The following ZNF718 variants were observed in gnomAD, a reference collection of about 807,000 sequenced individuals.
ZNF718 encodes zinc finger protein 718.
A neutral mutation model predicts 2.6 loss-of-function variants in ZNF718; 3 were observed. That is an observed-to-expected ratio of 1.16 (90% CI 0.53 to 3.01). ZNF718 has a LOEUF of 3.01. Ranked by LOEUF, ZNF718 falls within the 30% of genes most tolerant of loss-of-function variation. ZNF718 has a pLI of 0.03. For synonymous variants in ZNF718, 135 were observed against 77.9 expected (o/e 1.73, Z -3.86); for missense variants, 468 against 230.0 (o/e 2.03, Z -6.69).
intron 3 of ZNF718, among the ~76,000 whole-genome samples, chr4:175,311 T>C (rs927197790): frequency 2.0e-5 from 3 of 152,206 alleles, no homozygotes; most frequent in Admixed American, 2.0e-4. Flanking sequence ...TGTCATACTT[T>C]CTACTCCAAT....
intron 3 of ZNF718, among the ~76,000 whole-genome samples, chr4:141,160 A>G (rs564476479): frequency 6.8e-6 from 1 of 146,210 alleles, no homozygotes; most frequent in African/African-American, 2.5e-5. Context: ...CAAATGTACC[A>G]GAAAGGGTTA....
At chr4:168,543 C>G (rs782715607), downstream of ZNF718, among the ~76,000 whole-genome samples, 1 of 152,074 alleles carries the variant, frequency 6.6e-6, no homozygotes, top group South Asian at 2.1e-4. Context: ...TGTTATTGGT[C>G]TATTCAGATA....
chr4:190,412 A>G (rs1717667940), intron 3 of ZNF718, among the ~76,000 whole-genome samples: 1 of 149,914 alleles, frequency 6.7e-6, no homozygotes, highest in Non-Finnish European at 1.5e-5. Context: ...CCTGGGTGAG[A>G]GAGCAAAACT....
chr4:171,686 A>G (rs192507712), intron 3 of ZNF718, among the ~76,000 whole-genome samples: 235 of 152,306 alleles, frequency 1.5e-3, no homozygotes, highest in Non-Finnish European at 2.3e-3. Context: ...TGCTAAGACC[A>G]TTGGAAAAGC....
At position 161,395 on chromosome 4, in the gene ZNF718, C is replaced by T; in HGVS notation, c.710C>T (p.Thr237Ile). The change falls in exon 4 of 4, where the codon ACT (threonine) becomes ATT (isoleucine). Residue 237 changes from threonine to isoleucine, a missense_variant. Transcript: ENST00000510175. ...TGTGAAGAATGTGGTAAAGGCTTTA[C>T]TCGGTCCTCACACCTTACTAAACAT... ...YKCEECGKGF[T>I]RSSHLTKHKR... The T allele has an allele frequency of 1.3e-6, 1 of 779,570 alleles. No homozygotes were observed. The allele number at this position is 779,570 out of a possible 1,614,324, so 48.3% of individuals were successfully genotyped here. A position where few individuals can be genotyped will look rare whatever the true frequency, so the allele number is the denominator to read the frequency against.
intron 3 of ZNF718, among the ~76,000 whole-genome samples, chr4:191,126 CA>C (rs1717684960): frequency 6.9e-6 from 1 of 145,762 alleles, no homozygotes; most frequent in Non-Finnish European, 1.5e-5. Flanking sequence ...TTTCTAAAAT[CA>C]AAAACCAGAC....
At chr4:190,197 G>C (rs891612529) in intron 3 of ZNF718, among the ~76,000 whole-genome samples, 2 of 152,096 alleles carry the variant, frequency 1.3e-5, no homozygotes, top group Non-Finnish European at 2.9e-5. Context: ...TTGGGAGGCC[G>C]AGGCAGGCAG....
chr4:172,757 G>A (rs1464239526), intron 3 of ZNF718, among the ~76,000 whole-genome samples: 2 of 152,074 alleles, frequency 1.3e-5, no homozygotes, highest in African/African-American at 4.8e-5. Flanking sequence ...GTGTGTAAAT[G>A]TATAAAACAT....
intron 3 of ZNF718, among the ~76,000 whole-genome samples, chr4:154,138 C>A (rs1716458810): frequency 2.6e-5 from 4 of 152,164 alleles, no homozygotes; most frequent in Admixed American, 2.0e-4. Flanking sequence ...TTGCCTCCTG[C>A]CATATATGAC....
chr4:185,505 A>G (rs1198669255), intron 3 of ZNF718, among the ~76,000 whole-genome samples: 2 of 152,116 alleles, frequency 1.3e-5, no homozygotes, highest in Non-Finnish European at 2.9e-5. Flanking sequence ...TTCTGTAGAT[A>G]ATCTATCAGT....
chr4:183,830 T>C (rs1007846416), intron 3 of ZNF718, among the ~76,000 whole-genome samples: 12 of 152,160 alleles, frequency 7.9e-5, no homozygotes, highest in Non-Finnish European at 1.5e-4. Flanking sequence ...TACATAGGAA[T>C]GCTAGAGATT....
At chr4:183,255 A>G (rs1346966151) in intron 3 of ZNF718, among the ~76,000 whole-genome samples, 1 of 152,064 alleles carries the variant, frequency 6.6e-6, no homozygotes, top group Non-Finnish European at 1.5e-5. Context: ...ATTAAACAGG[A>G]CATTCTTTTC....
intron 3 of ZNF718, among the ~76,000 whole-genome samples, chr4:143,030 C>T (rs1715881341): frequency 6.6e-6 from 1 of 152,148 alleles, no homozygotes; most frequent in Non-Finnish European, 1.5e-5. Context: ...CTCTCTTCAA[C>T]TAGAATAACA....
At chr4:125,156 A>G (rs1241945449) in intron 1 of ZNF718, 1 of 155,432 alleles carries the variant, frequency 6.4e-6, no homozygotes, top group African/African-American at 2.4e-5. Flanking sequence ...AGCGAAGCAA[A>G]TCACCTGCCT....
At chr4:143,623 C>CA (rs1386406757) in intron 3 of ZNF718, among the ~76,000 whole-genome samples, 1 of 152,152 alleles carries the variant, frequency 6.6e-6, no homozygotes, top group Non-Finnish European at 1.5e-5. Flanking sequence ...TAGAACAAAT[C>CA]AGGTTTTTTT....
chr4:175,262 T>C (rs1199397120), intron 3 of ZNF718, among the ~76,000 whole-genome samples: 2 of 152,206 alleles, frequency 1.3e-5, no homozygotes, highest in African/African-American at 4.8e-5. Flanking sequence ...ATGGGTCTTT[T>C]GGATCGCAAC....
intron 3 of ZNF718, among the ~76,000 whole-genome samples, chr4:195,327 A>G (rs1717769990): frequency 6.6e-6 from 1 of 152,196 alleles, no homozygotes; most frequent in South Asian, 2.1e-4. Flanking sequence ...CTCTGCTTCC[A>G]TAAGAGACTC....
intron 3 of ZNF718, among the ~76,000 whole-genome samples, chr4:193,478 A>T (rs1654382628): frequency 6.6e-6 from 1 of 152,154 alleles, no homozygotes; most frequent in Admixed American, 6.5e-5. Context: ...ATTCTAGTGT[A>T]TAATGGCCCC....
chr4:159,576 T>G (rs928958018), intron 3 of ZNF718, among the ~76,000 whole-genome samples: 4 of 152,152 alleles, frequency 2.6e-5, no homozygotes, highest in African/African-American at 9.7e-5. Flanking sequence ...ATCTTCAGTT[T>G]TTACATCCTT....
Sources: gnomAD v4.1 joint callset for allele counts (sites outside exome capture counted in the v4.1 genomes callset) on GRCh38, gnomAD v4.1.1 for gene constraint, MANE v1.5 for transcripts, NCBI Gene and HGNC (gene_info 2026-07-23, HGNC 2026-07-21) for gene names.